The following LYPLAL1 variants were observed in gnomAD, a reference collection of about 807,000 sequenced individuals.
LYPLAL1 encodes the protein lysophospholipase like 1.
LYPLAL1 carries 23 observed loss-of-function variants against 19.7 expected under a neutral mutation model. That is an observed-to-expected ratio of 1.17 (90% CI 0.84 to 1.65). The LOEUF is 1.65. Among genes scored for constraint, LYPLAL1 ranks in the 40% most tolerant of loss-of-function variants. The pLI, the probability that LYPLAL1 is intolerant of heterozygous loss-of-function variation, is 0.00. For missense variants in LYPLAL1, 355 were observed against 279.4 expected (o/e 1.27, Z -1.93); for synonymous variants, 119 against 96.3 (o/e 1.24, Z -1.38).
At chr1:219,361,114 G>A in the LYPLAL1 span, among the ~76,000 whole-genome samples, 2 of 152,312 alleles carry the variant, frequency 1.3e-5, no homozygotes, top group South Asian at 2.1e-4. Flanking sequence ...TGTGCACACA[G>A]GAGTGTATTA....
At chr1:219,275,829 C>T in the LYPLAL1 span, among the ~76,000 whole-genome samples, 1 of 152,062 alleles carries the variant, frequency 6.6e-6, no homozygotes, top group South Asian at 2.1e-4. Flanking sequence ...AGATTCTACA[C>T]CCTAGCTTCA....
intron 3 of LYPLAL1, among the ~76,000 whole-genome samples, chr1:219,204,231 A>C (rs1356326390): frequency 1.3e-5 from 2 of 152,222 alleles, no homozygotes; most frequent in African/African-American, 2.4e-5. Context: ...CAGGCAATAG[A>C]ATAGTGACTT....
chr1:219,401,215 A>T, the LYPLAL1 span, among the ~76,000 whole-genome samples: 68,669 of 151,596 alleles, frequency 0.45, 16,157 homozygotes, highest in Middle Eastern at 0.54. Flanking sequence ...CTGTATGTTG[A>T]TTAATACTGT....
At chr1:219,233,888 A>G in the LYPLAL1 span, among the ~76,000 whole-genome samples, 4 of 152,338 alleles carry the variant, frequency 2.6e-5, no homozygotes, top group African/African-American at 9.6e-5. Flanking sequence ...CCAAGGTAGT[A>G]TAATCTCTGC....
At chr1:219,328,349 C>A in the LYPLAL1 span, among the ~76,000 whole-genome samples, 1 of 152,128 alleles carries the variant, frequency 6.6e-6, no homozygotes, top group South Asian at 2.1e-4. Context: ...AGGTGATGTA[C>A]CCTTCGTGAA....
At chr1:219,229,099 G>T in the LYPLAL1 span, among the ~76,000 whole-genome samples, 1 of 151,976 alleles carries the variant, frequency 6.6e-6, no homozygotes, top group Non-Finnish European at 1.5e-5. Flanking sequence ...TAAATAATTT[G>T]CCTAAAGTCA....
the LYPLAL1 span, among the ~76,000 whole-genome samples, chr1:219,313,234 C>T: frequency 9.9e-5 from 15 of 152,238 alleles, no homozygotes; most frequent in South Asian, 3.1e-3. Flanking sequence ...CACTGTCTAC[C>T]GCCACTACTG....
chr1:219,224,917 A>G, the LYPLAL1 span, among the ~76,000 whole-genome samples: 3 of 152,088 alleles, frequency 2.0e-5, no homozygotes, highest in Non-Finnish European at 2.9e-5. Flanking sequence ...TCTTTTCCAT[A>G]TCTTTATAGG....
chr1:219,443,675 C>CAA, the LYPLAL1 span, among the ~76,000 whole-genome samples: 51 of 146,160 alleles, frequency 3.5e-4, no homozygotes, highest in Admixed American at 6.1e-4. Context: ...ATTTTGGTCA[C>CAA]AAAAAAAAAA....
chr1:219,302,986 T>C, the LYPLAL1 span, among the ~76,000 whole-genome samples: 1 of 152,220 alleles, frequency 6.6e-6, no homozygotes, highest in African/African-American at 2.4e-5. Flanking sequence ...CCTGCATTCC[T>C]GCTTTGTTTC....
the LYPLAL1 span, among the ~76,000 whole-genome samples, chr1:219,357,610 C>A: frequency 6.6e-6 from 1 of 152,026 alleles, no homozygotes; most frequent in African/African-American, 2.4e-5. Flanking sequence ...CAAGTGGACC[C>A]AAGGCACCAT....
At chr1:219,318,970 G>C in the LYPLAL1 span, among the ~76,000 whole-genome samples, 1 of 152,174 alleles carries the variant, frequency 6.6e-6, no homozygotes, top group Non-Finnish European at 1.5e-5. Context: ...GACCCCTTGG[G>C]ATTGCTTCCC....
At chr1:219,338,621 A>C in the LYPLAL1 span, among the ~76,000 whole-genome samples, 24,619 of 151,658 alleles carry the variant, frequency 0.16, 2,068 homozygotes, top group East Asian at 0.28. Context: ...CAAAAAAAAA[A>C]CAAAAACAGA....
At chr1:219,360,855 G>A in the LYPLAL1 span, among the ~76,000 whole-genome samples, 25 of 152,246 alleles carry the variant, frequency 1.6e-4, no homozygotes, top group Middle Eastern at 3.4e-3. Context: ...GTATCTGGGT[G>A]GACTTCTCTA....
chr1:219,187,122 T>A (rs1277647667), intron 2 of LYPLAL1, among the ~76,000 whole-genome samples: 1 of 151,618 alleles, frequency 6.6e-6, no homozygotes, highest in African/African-American at 2.4e-5. Flanking sequence ...CTGCATACAT[T>A]GAAAACTGTA....
At chr1:219,365,573 A>G in the LYPLAL1 span, among the ~76,000 whole-genome samples, 8 of 152,172 alleles carry the variant, frequency 5.3e-5, no homozygotes, top group African/African-American at 1.9e-4. Context: ...TCAATTAATA[A>G]CAGCTCTTCC....
At chr1:219,417,609 C>G in the LYPLAL1 span, among the ~76,000 whole-genome samples, 4 of 152,184 alleles carry the variant, frequency 2.6e-5, no homozygotes, top group African/African-American at 9.7e-5. Context: ...TGAATCTAAT[C>G]CTGAATCAGT....
At chr1:219,404,517 A>G in the LYPLAL1 span, among the ~76,000 whole-genome samples, 2 of 152,180 alleles carry the variant, frequency 1.3e-5, no homozygotes, top group African/African-American at 4.8e-5. Context: ...ATATAGAATA[A>G]TAATGTGCAT....
the LYPLAL1 span, among the ~76,000 whole-genome samples, chr1:219,336,991 G>A: frequency 6.6e-6 from 1 of 151,964 alleles, no homozygotes; most frequent in African/African-American, 2.4e-5. Flanking sequence ...GAAGGCTCCA[G>A]GGGAGCCTGT....
Sources: gnomAD v4.1 joint callset for allele counts (sites outside exome capture counted in the v4.1 genomes callset) on GRCh38, gnomAD v4.1.1 for gene constraint, MANE v1.5 for transcripts, NCBI Gene and HGNC (gene_info 2026-07-23, HGNC 2026-07-21) for gene names.